SH3BGRL2: variants seen among roughly 807,000 people sequenced by gnomAD.
SH3BGRL2 encodes the protein SH3 domain-binding glutamic acid-rich-like protein 2.
A neutral mutation model predicts 14.8 loss-of-function variants in SH3BGRL2; 21 were observed. The ratio of observed to expected loss-of-function variants is 1.42; its 90% CI spans 1.01 to 2.05. The LOEUF is 2.05. Ranked by LOEUF, SH3BGRL2 falls within the 30% of genes most tolerant of loss-of-function variation. The pLI is 0.00. For synonymous variants in SH3BGRL2, 50 were observed against 47.8 expected (o/e 1.05, Z -0.19); for missense variants, 147 against 130.8 (o/e 1.12, Z -0.61).
chr6:79,548,210 C>G, the SH3BGRL2 span, among the ~76,000 whole-genome samples: 1 of 151,968 alleles, frequency 6.6e-6, no homozygotes, highest in East Asian at 1.9e-4. Context: ...ACTAATTACA[C>G]AACAATTTTA....
the SH3BGRL2 span, among the ~76,000 whole-genome samples, chr6:79,604,869 G>A: frequency 1.3e-5 from 2 of 152,266 alleles, no homozygotes; most frequent in African/African-American, 2.4e-5. Flanking sequence ...CCGTGGAGGC[G>A]GTTGATGATT....
chr6:79,645,472 T>C (rs1769122652), intron 1 of SH3BGRL2, among the ~76,000 whole-genome samples: 1 of 152,188 alleles, frequency 6.6e-6, no homozygotes, highest in Admixed American at 6.5e-5. Context: ...AACTGAGTAG[T>C]GATGCCCCCT....
In SH3BGRL2 at chr6:79,699,463, CTTTTTTTTTTTTTT is replaced by C. The variant is rs35728679; in HGVS notation, c.313-18_313-5del. On this transcript the variant is annotated intron_variant, in intron 3 of 3. Coordinates refer to ENST00000369838, the MANE Select transcript of SH3BGRL2 (RefSeq NM_031469.4). ...CTTGTCGATGTAATGCAATAACTGA[CTTTTTTTTTTTTTT>C]TTTTTTTTTTTTTTTTATAGGCAGA... 7.9e-6 allele frequency: 7 copies of C among 881,018 alleles called. No individual in the cohort carries two copies. The South Asian group carries it at 9.5e-5, about 12-fold the overall frequency. The allele number at this position is 881,018 out of a possible 1,614,324, so 54.6% of individuals were successfully genotyped here.
intron 2 of SH3BGRL2, among the ~76,000 whole-genome samples, chr6:79,691,338 G>GT (rs147694181): frequency 0.029 from 4,273 of 149,318 alleles, 214 homozygotes; most frequent in African/African-American, 0.097. Context: ...TTTTGTTTTT[G>GT]TTTTTTTTTG....
intron 2 of SH3BGRL2, among the ~76,000 whole-genome samples, chr6:79,682,795 TCAACC>T (rs1770013090): frequency 6.6e-6 from 1 of 152,184 alleles, no homozygotes. Context: ...AGCAAAGACT[TCAACC>T]CAAATGTCCA....
chr6:79,560,322 G>A, the SH3BGRL2 span, among the ~76,000 whole-genome samples: 1 of 152,278 alleles, frequency 6.6e-6, no homozygotes. Context: ...AACAGTAGAA[G>A]GATTAGTAAC....
chr6:79,572,265 A>G, the SH3BGRL2 span, among the ~76,000 whole-genome samples: 1 of 152,144 alleles, frequency 6.6e-6, no homozygotes, highest in Non-Finnish European at 1.5e-5. Context: ...ATATCGTTGT[A>G]TACACATATG....
At chr6:79,638,199 T>A (rs1768964163) in intron 1 of SH3BGRL2, among the ~76,000 whole-genome samples, 2 of 152,206 alleles carry the variant, frequency 1.3e-5, no homozygotes, top group Non-Finnish European at 2.9e-5. Context: ...TCCTATCGAG[T>A]TGAGAACATG....
the SH3BGRL2 span, among the ~76,000 whole-genome samples, chr6:79,611,929 C>G: frequency 6.6e-6 from 1 of 152,034 alleles, no homozygotes; most frequent in Admixed American, 6.6e-5. Context: ...ATGTAAAGAG[C>G]CTGGTATAGG....
At chr6:79,560,942 G>A in the SH3BGRL2 span, among the ~76,000 whole-genome samples, 2,205 of 126,840 alleles carry the variant, frequency 0.017, 59 homozygotes, top group African/African-American at 0.062. Flanking sequence ...GTGCAATGGC[G>A]TGATCTCAGC....
At chr6:79,656,856 C>CT (rs57391906) in intron 1 of SH3BGRL2, among the ~76,000 whole-genome samples, 5,500 of 152,142 alleles carry the variant, frequency 0.036, 322 homozygotes, top group African/African-American at 0.12. Context: ...TGAGGGACAA[C>CT]TGTAACATAA....
chr6:79,695,991 T>C (rs1401041649), intron 2 of SH3BGRL2, among the ~76,000 whole-genome samples: 1 of 152,216 alleles, frequency 6.6e-6, no homozygotes, highest in African/African-American at 2.4e-5. Context: ...TCTAAGGAGA[T>C]GGTCTCAAAG....
the SH3BGRL2 span, among the ~76,000 whole-genome samples, chr6:79,603,046 A>G: frequency 3.3e-5 from 5 of 152,198 alleles, no homozygotes; most frequent in Non-Finnish European, 7.3e-5. Context: ...AAAAACTGAC[A>G]GGCAGAAAAC....
At chr6:79,598,965 C>A in the SH3BGRL2 span, among the ~76,000 whole-genome samples, 2 of 151,452 alleles carry the variant, frequency 1.3e-5, no homozygotes, top group Non-Finnish European at 2.9e-5. Context: ...CCTGTAATTG[C>A]AGCTACTAGG....
chr6:79,631,610 C>A, intron 1 of SH3BGRL2, 104 bp downstream of exon 1: 1 of 862,524 alleles, frequency 1.2e-6, no homozygotes, highest in Non-Finnish European at 1.6e-6. Context: ...AGCCGGTCCG[C>A]CCGCGGGAGC....
the SH3BGRL2 span, among the ~76,000 whole-genome samples, chr6:79,560,633 AT>A: frequency 2.0e-5 from 3 of 152,128 alleles, no homozygotes; most frequent in African/African-American, 7.2e-5. Context: ...TAAAAATTTA[AT>A]TTATTGAGTT....
At chr6:79,675,694 T>C (rs1441310720) in intron 2 of SH3BGRL2, among the ~76,000 whole-genome samples, 1 of 152,208 alleles carries the variant, frequency 6.6e-6, no homozygotes, top group African/African-American at 2.4e-5. Context: ...AATCCTTTCA[T>C]TGAATTTTTG....
chr6:79,596,220 G>A, the SH3BGRL2 span, among the ~76,000 whole-genome samples: 1 of 152,350 alleles, frequency 6.6e-6, no homozygotes, highest in East Asian at 1.9e-4. Flanking sequence ...GTGCAGTGGT[G>A]TGATCACGGA....
At chr6:79,559,380 G>A in the SH3BGRL2 span, among the ~76,000 whole-genome samples, 1 of 152,058 alleles carries the variant, frequency 6.6e-6, no homozygotes, top group Non-Finnish European at 1.5e-5. Flanking sequence ...AATATGACTG[G>A]AAAAGGACTC....
Sources: allele counts gnomAD v4.1 joint callset (sites outside exome capture counted in the v4.1 genomes callset), GRCh38; gene constraint gnomAD v4.1.1; transcripts MANE v1.5; gene names NCBI Gene and HGNC (gene_info 2026-07-23, HGNC 2026-07-21).